Variants in SAMD12 observed in about 807,000 individuals in gnomAD.
SAMD12 encodes the protein sterile alpha motif domain-containing protein 12.
In SAMD12, 9 loss-of-function variants were observed where a neutral mutation model predicts 15.0. The ratio of observed to expected loss-of-function variants is 0.60; its 90% CI spans 0.36 to 1.05. The LOEUF is 1.05. Among genes scored for constraint, SAMD12 ranks in the 50% least tolerant of loss-of-function variants. The pLI is 0.01. For synonymous variants in SAMD12, 86 were observed against 90.1 expected (o/e 0.96, Z 0.25); for missense variants, 230 against 234.2 (o/e 0.98, Z 0.12).
intron 4 of SAMD12, among the ~76,000 whole-genome samples, chr8:118,283,656 A>G (rs1052655536): frequency 6.6e-6 from 1 of 152,236 alleles, no homozygotes; most frequent in East Asian, 1.9e-4. Flanking sequence ...AGGGAGATCC[A>G]TCCTGGGATC....
intron 2 of SAMD12, among the ~76,000 whole-genome samples, chr8:118,451,775 C>G (rs181423927): frequency 2.0e-5 from 3 of 152,236 alleles, no homozygotes; most frequent in African/African-American, 2.4e-5. Context: ...GTGGTCTATA[C>G]AAAGTTTCCA....
rs542894070 is a variant in SAMD12, at chr8:118,577,211, G to A, written c.192+3504C>T. Among the ~76,000 whole-genome samples, 7 of 152,242 alleles carry A rather than the reference G, an allele frequency of 4.6e-5. No homozygotes were observed. In the South Asian group the frequency reaches 1.5e-3, roughly 32 times the overall value. On this transcript the variant is annotated intron_variant, in intron 2 of 3. Coordinates refer to ENST00000314727, the MANE Select transcript of SAMD12 (RefSeq NM_207506.3). ...GTTTCTCTTTGGTCTGTAAGAGCTG[G>A]AGGCTACTTGTGGCCAGACAACCTT...
At chr8:118,599,686 A>C (rs1827811242) in intron 1 of SAMD12, among the ~76,000 whole-genome samples, 2 of 152,218 alleles carry the variant, frequency 1.3e-5, no homozygotes, top group African/African-American at 4.8e-5. Flanking sequence ...AACTGGCCCT[A>C]AGTCAATCAG....
At chr8:118,567,616 A>C (rs1297470531) in intron 2 of SAMD12, among the ~76,000 whole-genome samples, 1 of 152,252 alleles carries the variant, frequency 6.6e-6, no homozygotes, top group Non-Finnish European at 1.5e-5. Context: ...TATTTGGCCA[A>C]AAATCTGCTA....
At chr8:118,359,471 C>A (rs918218620) in intron 4 of SAMD12, among the ~76,000 whole-genome samples, 1 of 152,182 alleles carries the variant, frequency 6.6e-6, no homozygotes, top group Non-Finnish European at 1.5e-5. Flanking sequence ...AGGACAGGGA[C>A]CATTTATATT....
intron 2 of SAMD12, among the ~76,000 whole-genome samples, chr8:118,515,846 C>G (rs77655673): frequency 0.05 from 7,633 of 152,282 alleles, 590 homozygotes; most frequent in African/African-American, 0.17. Context: ...TGAATGCCTT[C>G]ACTCAAGACT....
At chr8:118,203,485 C>G (rs1381390846) in intron 4 of SAMD12, among the ~76,000 whole-genome samples, 1 of 152,006 alleles carries the variant, frequency 6.6e-6, no homozygotes, top group Non-Finnish European at 1.5e-5. Flanking sequence ...ATGTATAGGA[C>G]AGCCCTCACA....
In SAMD12 at chr8:118,496,220, C is replaced by A. The variant is rs116526031; in HGVS notation, c.193-56259G>T. Among the ~76,000 whole-genome samples the A allele has an allele frequency of 7.2e-3, 1,098 of 152,256 alleles. 13 individuals are homozygous for A. Among genetic ancestry groups the A allele is most frequent in the African/African-American group, 0.024 (1,013 of 41,544 alleles). ...GAATTAGAAAAAATATTCTAAACTT[C>A]ATATGGAACAAAATAATAACCCATA... On this transcript the variant is annotated intron_variant, in intron 2 of 3. Coordinates refer to ENST00000314727, the MANE Select transcript of SAMD12 (RefSeq NM_207506.3).
intron 2 of SAMD12, among the ~76,000 whole-genome samples, chr8:118,563,703 G>T (rs1298336894): frequency 2.6e-5 from 4 of 152,278 alleles, no homozygotes; most frequent in Middle Eastern, 3.4e-3. Context: ...TTCACTTCCG[G>T]CAGGCTACTG....
chr8:118,275,538 C>A (rs1275898878), intron 4 of SAMD12, among the ~76,000 whole-genome samples: 1 of 152,118 alleles, frequency 6.6e-6, no homozygotes, highest in Non-Finnish European at 1.5e-5. Flanking sequence ...ATGCAAAAAT[C>A]TGCTTTTTTA....
At chr8:118,174,335 T>C in the SAMD12 span, among the ~76,000 whole-genome samples, 1 of 152,148 alleles carries the variant, frequency 6.6e-6, no homozygotes, top group Non-Finnish European at 1.5e-5. Flanking sequence ...TCAGTTCAGA[T>C]TTGTTGATTT....
At chr8:118,504,402 G>A (rs1824868952) in intron 2 of SAMD12, among the ~76,000 whole-genome samples, 1 of 152,192 alleles carries the variant, frequency 6.6e-6, no homozygotes, top group Non-Finnish European at 1.5e-5. Flanking sequence ...AGACCCAGCT[G>A]TCAATCATTC....
At chr8:118,165,616 A>ATATATATATATATATATATATATG in the SAMD12 span, among the ~76,000 whole-genome samples, 25 of 4,132 alleles carry the variant, frequency 6.1e-3, no homozygotes, top group Non-Finnish European at 0.022. Context: ...ATATATATGT[A>ATATATATATATATATATATATATG]TATATATATA....
chr8:118,313,563 T>C (rs776922201), intron 4 of SAMD12, among the ~76,000 whole-genome samples: 1 of 152,114 alleles, frequency 6.6e-6, no homozygotes, highest in African/African-American at 2.4e-5. Context: ...ATTCTTTCTG[T>C]CTATAGAAAG....
At chr8:118,394,937 G>A (rs1820479784) in intron 3 of SAMD12, 2 of 152,206 alleles carry the variant, frequency 1.3e-5, no homozygotes, top group Non-Finnish European at 2.9e-5. Context: ...CGACGCTTAA[G>A]GGGATGCTCT....
the SAMD12 span, among the ~76,000 whole-genome samples, chr8:118,151,839 G>GAA: frequency 1.3e-3 from 185 of 138,652 alleles, 1 homozygote; most frequent in African/African-American, 1.6e-3. Flanking sequence ...CAAAAAAAAA[G>GAA]AAAAAAAAAA....
chr8:118,583,103 A>G (rs533980167), intron 1 of SAMD12, among the ~76,000 whole-genome samples: 1 of 152,246 alleles, frequency 6.6e-6, no homozygotes, highest in South Asian at 2.1e-4. Context: ...TTACATGCCT[A>G]TTACTGAACT....
At chr8:118,172,163 G>A in the SAMD12 span, among the ~76,000 whole-genome samples, 1 of 152,130 alleles carries the variant, frequency 6.6e-6, no homozygotes, top group African/African-American at 2.4e-5. Flanking sequence ...TAAATGACGA[G>A]TTAATGGGTG....
At chr8:118,418,200 A>G (rs2514984) in intron 3 of SAMD12, among the ~76,000 whole-genome samples, 1 of 152,118 alleles carries the variant, frequency 6.6e-6, no homozygotes, top group African/African-American at 2.4e-5. Context: ...GTTTCAAAGC[A>G]TTATACTATC....
Sources: allele counts gnomAD v4.1 joint callset (sites outside exome capture counted in the v4.1 genomes callset), GRCh38; gene constraint gnomAD v4.1.1; transcripts MANE v1.5; gene names NCBI Gene and HGNC (gene_info 2026-07-23, HGNC 2026-07-21).